GRTP1: variants seen among roughly 807,000 people sequenced by gnomAD.
GRTP1 encodes the protein growth hormone regulated TBC protein 1.
GRTP1 carries 56 observed loss-of-function variants against 38.1 expected under a neutral mutation model. The ratio of observed to expected loss-of-function variants is 1.47; its 90% CI spans 1.19 to 1.84. The LOEUF (loss-of-function observed/expected upper bound fraction) is 1.84, where lower values mean the gene tolerates loss of function less well. GRTP1 is among the 40% of genes most tolerant of loss of function. The pLI is 0.00. For synonymous variants in GRTP1, 217 were observed against 189.5 expected (o/e 1.14, Z -1.19); for missense variants, 506 against 453.9 (o/e 1.11, Z -1.04).
At chr13:113,325,586 G>T (rs748499737) in intron 7 of GRTP1, 75 bp downstream of exon 7, 1 of 1,609,718 alleles carries the variant, frequency 6.2e-7, no homozygotes, top group Non-Finnish European at 8.5e-7. Flanking sequence ...CCTCCGGGTG[G>T]TCAGAGCAGC....
In GRTP1 at chr13:113,333,847, G is replaced by T. The variant is rs1283054230; in HGVS notation, c.563-7756C>A. Reference sequence around the variant, plus strand: ...ATTTATTTATTTATTTAGTGTGTGTGTGTGTGTGTGTGTGTGTGTGTGTGT... The same window carrying T: ...ATTTATTTATTTATTTAGTGTGTGTTTGTGTGTGTGTGTGTGTGTGTGTGT... On this transcript the variant is annotated intron_variant, in intron 5 of 7. Coordinates refer to ENST00000375431, the MANE Select transcript of GRTP1 (RefSeq NM_024719.4). 7.9e-3 allele frequency among the ~76,000 whole-genome samples: 920 copies of T among 117,126 alleles called. 6 individuals carry two copies. The highest frequency in any genetic ancestry group is 0.013 in the Non-Finnish European group (710 of 55,078). The allele number at this position is 117,126 out of a possible 152,430, so 76.8% of individuals were successfully genotyped here.
In GRTP1 at chr13:113,324,432, A is replaced by G. The variant is rs1403045004; in HGVS notation, c.*56T>C. ...AGCAGTGAAAGTTGGTCCAGTGTCAACTCTGGAAAGGGGCATCGTCAGTGT... is the reference window on the plus strand; with the variant it reads ...AGCAGTGAAAGTTGGTCCAGTGTCAGCTCTGGAAAGGGGCATCGTCAGTGT... On this transcript the variant is annotated 3_prime_UTR_variant, in exon 8 of 8. Coordinates refer to ENST00000375431, the MANE Select transcript of GRTP1 (RefSeq NM_024719.4). 6.7e-7 allele frequency: 1 copy of G among 1,489,436 alleles called. No homozygotes were observed. Among genetic ancestry groups the G allele is most frequent in the Non-Finnish European group, 9.0e-7 (1 of 1,115,516 alleles). The allele number at this position is 1,489,436 out of a possible 1,614,324, so 92.3% of individuals were successfully genotyped here. A position where few individuals can be genotyped will look rare whatever the true frequency, so the allele number is the denominator to read the frequency against.
At position 113,350,970 on chromosome 13, in the gene GRTP1, A is replaced by G. The variant is rs1471843639; in HGVS notation, c.344T>C (p.Leu115Pro). The G allele has an allele frequency of 3.1e-6, 5 of 1,613,698 alleles. No individual in the cohort carries two copies. In the Admixed American group the frequency reaches 6.7e-5, roughly 22 times the overall value. Residue 115 changes from leucine to proline, a missense_variant, in exon 4 of 8, where the codon CTG becomes CCG. By Grantham distance (98) the Leu-to-Pro change is moderately conservative. Transcript: ENST00000375431. Reference sequence around the variant, plus strand: ...CACGTTGTCGGGGAAGGTCCGGTTCAGGTCTGTGGGAAATTCAGAAGGAAT... The same window carrying G: ...CACGTTGTCGGGGAAGGTCCGGTTCGGGTCTGTGGGAAATTCAGAAGGAAT... ...PRLEDAIRTD[L>P]NRTFPDNVKF...
At chr13:113,355,223 C>T in intron 3 of GRTP1, 100 bp downstream of exon 3, 5 of 1,196,832 alleles carry the variant, frequency 4.2e-6, no homozygotes, top group East Asian at 2.4e-5. Flanking sequence ...AAGCAGCAGG[C>T]GCACCGCTCA....
rs1025493045 is a variant in GRTP1 at position 113,342,522 on chromosome 13, G to C, written c.562+2341C>G. On this transcript the variant is annotated intron_variant, in intron 5 of 7. Transcript: ENST00000375431. This position sits in a 1 kb window ranked among gnomAD's most constrained non-coding sequence, Gnocchi z 4.5. ...TCAGTCTCAAAAAAAAAAAAGTACT[G>C]TATTTTTTGAACTTCTGAAATGAGA... 3.3e-5 allele frequency among the ~76,000 whole-genome samples: 5 copies of C among 151,966 alleles called. No homozygotes were observed. Among genetic ancestry groups the C allele is most frequent in the Admixed American group, 1.3e-4 (2 of 15,246 alleles).
At chr13:113,330,100 T>C (rs150266655) in intron 5 of GRTP1, among the ~76,000 whole-genome samples, 55 of 131,258 alleles carry the variant, frequency 4.2e-4, no homozygotes, top group East Asian at 3.9e-3. Flanking sequence ...AACCCGGGTG[T>C]GTGCATGGAA....
intron 4 of GRTP1, among the ~76,000 whole-genome samples, chr13:113,345,291 C>T (rs989633893): frequency 8.5e-5 from 13 of 152,236 alleles, no homozygotes; most frequent in African/African-American, 3.1e-4. Context: ...TACTATATAT[C>T]AACAGCATGA....
intron 5 of GRTP1, among the ~76,000 whole-genome samples, chr13:113,328,328 G>A (rs1566413365): frequency 2.0e-5 from 3 of 152,324 alleles, no homozygotes; most frequent in Admixed American, 6.5e-5. Context: ...GCGGTCAGAC[G>A]TGGGCAGGGG....
chr13:113,330,425 T>A (rs1194454896), intron 5 of GRTP1, among the ~76,000 whole-genome samples: 1 of 131,146 alleles, frequency 7.6e-6, no homozygotes, highest in Non-Finnish European at 1.6e-5. Flanking sequence ...GGTGTGTGCA[T>A]GGGAGCCCGG....
chr13:113,324,547 T>C lies in GRTP1; in HGVS notation c.952A>G (p.Met318Val). 6.2e-7 allele frequency: 1 copy of C among 1,611,638 alleles called. No homozygotes were observed. The highest frequency in any genetic ancestry group is 8.5e-7 in the Non-Finnish European group (1 of 1,179,060). The change falls in exon 8 of 8, where the codon ATG (methionine) becomes GTG (valine). Residue 318 changes from methionine to valine, a missense_variant. Met to Val is a conservative substitution (Grantham distance 21). Transcript: ENST00000375431. ...TCGCGGAGCTTGGCGACGGTGGCCA[T>C]GGATAAGCTTCCAGGTTCTGAAAAT... ...KIFSEPGSLS[M>V]ATVAKLRESC...
chr13:113,337,102 T>A (rs985125437), intron 5 of GRTP1, among the ~76,000 whole-genome samples: 3 of 151,644 alleles, frequency 2.0e-5, no homozygotes, highest in African/African-American at 7.3e-5. Context: ...GAGACCAGCC[T>A]GGGCAATTCA....
chr13:113,325,403 C>T, intron 7 of GRTP1: 1 of 1,438,208 alleles, frequency 7.0e-7, no homozygotes. Flanking sequence ...GCACCACACA[C>T]AGCAGATGAG....
At chr13:113,362,308 C>G (rs1291555341) in intron 2 of GRTP1, among the ~76,000 whole-genome samples, 1 of 151,902 alleles carries the variant, frequency 6.6e-6, no homozygotes, top group African/African-American at 2.4e-5. Context: ...CCAGCCTGGG[C>G]GACAGAGTGA....
At chr13:113,335,841 G>A (rs116169948) in intron 5 of GRTP1, among the ~76,000 whole-genome samples, 2,077 of 151,862 alleles carry the variant, frequency 0.014, 44 homozygotes, top group African/African-American at 0.048. Context: ...CGCCCAGGCT[G>A]GAGCGTAGTG....
chr13:113,355,499 G>A lies in GRTP1; in HGVS notation c.182-18C>T. 2 of 1,599,314 alleles carry A rather than the reference G, an allele frequency of 1.3e-6. No individual in the cohort carries two copies. The highest frequency in any genetic ancestry group is 1.7e-5 in the Admixed American group (1 of 59,356). ...GCGCTTCACTGAAGGCCGAGAGGACGGACAGCGTGTGAGCTGGACCAGGGG... is the reference window on the plus strand; with the variant it reads ...GCGCTTCACTGAAGGCCGAGAGGACAGACAGCGTGTGAGCTGGACCAGGGG... On this transcript the variant is annotated intron_variant, in intron 2 of 7. Coordinates refer to ENST00000375431, the MANE Select transcript of GRTP1 (RefSeq NM_024719.4).
intron 2 of GRTP1, among the ~76,000 whole-genome samples, chr13:113,361,354 C>A (rs1196756622): frequency 6.6e-6 from 1 of 152,104 alleles, no homozygotes; most frequent in Non-Finnish European, 1.5e-5. Flanking sequence ...CCAGAACCCC[C>A]TCCCAAGTCC....
chr13:113,324,213 C>G lies in GRTP1; in HGVS notation c.*275G>C. 1 of 393,886 alleles carries G rather than the reference C, an allele frequency of 2.5e-6. No homozygotes were observed. The highest frequency in any genetic ancestry group is 4.4e-6 in the Non-Finnish European group (1 of 228,924). 24.4% of individuals were successfully genotyped at this position (393,886 alleles called of 1,614,324 possible). On this transcript the variant is annotated 3_prime_UTR_variant, in exon 8 of 8. Coordinates refer to ENST00000375431, the MANE Select transcript of GRTP1 (RefSeq NM_024719.4). ...GATCACAAACACAGGTGTTGGCATACTTTATTAGATACAAACCCACACTCA... is the reference window on the plus strand; with the variant it reads ...GATCACAAACACAGGTGTTGGCATAGTTTATTAGATACAAACCCACACTCA...
chr13:113,344,375 G>A (rs1456291734), intron 5 of GRTP1, among the ~76,000 whole-genome samples: 5 of 152,156 alleles, frequency 3.3e-5, no homozygotes, highest in African/African-American at 4.8e-5. Context: ...CCACTCACAT[G>A]GGTTTCTCCT....
chr13:113,336,303 T>TTTTG (rs1555315315), intron 5 of GRTP1, among the ~76,000 whole-genome samples: 8 of 133,050 alleles, frequency 6.0e-5, no homozygotes, highest in African/African-American at 1.6e-4. Flanking sequence ...AGGTAGTTTT[T>TTTTG]TTTTTTTTTT....
Sources: gnomAD v4.1 joint callset for allele counts (sites outside exome capture counted in the v4.1 genomes callset) on GRCh38, gnomAD v4.1.1 for gene constraint, Gnocchi (gnomAD v3.1) non-coding constraint, MANE v1.5 for transcripts, NCBI Gene and HGNC (gene_info 2026-07-23, HGNC 2026-07-21) for gene names.